DDX50: variants seen among roughly 807,000 people sequenced by gnomAD.
DDX50 encodes DExD-box helicase 50, also known as ATP-dependent RNA helicase DDX50.
DDX50 carries 56 observed loss-of-function variants against 94.8 expected under a neutral mutation model. The observed-to-expected ratio is 0.59, with a 90% CI of 0.48 to 0.74. The LOEUF is 0.74. Ranked by LOEUF, DDX50 falls within the 30% of genes least tolerant of loss-of-function variation. The pLI is 0.00. For synonymous variants in DDX50, 264 were observed against 295.4 expected (o/e 0.89, Z 1.09); for missense variants, 713 against 881.2 (o/e 0.81, Z 2.42).
Position 68,934,855 on chromosome 10 carries a change from G to T in DDX50, c.1458G>T (p.Gly486=). The T allele has an allele frequency of 6.2e-7, 1 of 1,613,394 alleles. No individual in the cohort carries two copies. The highest frequency in any genetic ancestry group is 8.5e-7 in the Non-Finnish European group (1 of 1,179,710). The change falls in exon 10 of 15, where the codon GGG becomes GGT. Residue 486 remains glycine (G), a synonymous_variant. Coordinates refer to ENST00000373585, the MANE Select transcript of DDX50 (RefSeq NM_024045.2). The surrounding 1 kb of genome is among the most constrained non-coding windows in gnomAD (Gnocchi z 4.0). ...GCACAGGTAGAGCTGGACGGACAGG[G>T]ATTTGTATATGTTTTTATCAACCAA... is the stretch of plus-strand genomic sequence containing the variant. ...SGRTGRAGRT[G]ICICFYQPRE... is the part of the protein sequence containing the mutation.
At chr10:68,942,594 T>C (rs2132065065) in intron 13 of DDX50, among the ~76,000 whole-genome samples, 1 of 152,002 alleles carries the variant, frequency 6.6e-6, no homozygotes, top group South Asian at 2.1e-4. Flanking sequence ...ATAATTCTTA[T>C]TATCTAACAA....
In DDX50 at chr10:68,941,091, A is replaced by G; in HGVS notation, c.1787A>G (p.Glu596Gly). Residue 596 changes from glutamate (E) to glycine (G), a missense_variant, in exon 13 of 15, where the codon GAG (glutamate) becomes GGG (glycine). By Grantham distance (98) the Glu-to-Gly change is moderately conservative. Around this residue, in one of 2 missense-constraint regions of DDX50, gnomAD observed 428 missense variants for 602.3 expected, o/e 0.71. Coordinates refer to ENST00000373585, the MANE Select transcript of DDX50 (RefSeq NM_024045.2). ...GFVTMTLESLEEIQDVSCAWK... is the reference protein window; with the variant it reads ...GFVTMTLESLGEIQDVSCAWK... ...GTGACCATGACTCTGGAAAGCCTAG[A>G]GGAAATACAGGATGTCAGCTGTGCT... 1 of 1,612,026 alleles carries G rather than the reference A, an allele frequency of 6.2e-7. No individual in the cohort carries two copies. Among genetic ancestry groups the G allele is most frequent in the Non-Finnish European group, 8.5e-7 (1 of 1,179,862 alleles).
At chr10:68,925,502 G>A (rs1290924009) in intron 8 of DDX50, among the ~76,000 whole-genome samples, 2 of 152,146 alleles carry the variant, frequency 1.3e-5, no homozygotes, top group Non-Finnish European at 2.9e-5. Context: ...CCTAGTTGAT[G>A]TGTGTTATGT....
intron 1 of DDX50, among the ~76,000 whole-genome samples, chr10:68,904,358 A>C (rs146409196): frequency 1.3e-5 from 2 of 152,118 alleles, no homozygotes; most frequent in Non-Finnish European, 2.9e-5. Flanking sequence ...AGGTGAGGAT[A>C]ACTTTGGTTC....
intron 8 of DDX50, among the ~76,000 whole-genome samples, chr10:68,932,175 T>C (rs1005419713): frequency 6.6e-6 from 1 of 152,248 alleles, no homozygotes; most frequent in African/African-American, 2.4e-5. Context: ...TCCAGGCAGA[T>C]AGCAAGTGCT....
intron 1 of DDX50, among the ~76,000 whole-genome samples, 183 bp downstream of exon 1, chr10:68,901,654 G>A (rs1168755471): frequency 6.6e-6 from 1 of 152,188 alleles, no homozygotes; most frequent in Non-Finnish European, 1.5e-5. Flanking sequence ...TCCCGACCTG[G>A]AGAAAGATGG....
intron 4 of DDX50, among the ~76,000 whole-genome samples, chr10:68,912,362 G>T (rs900417261): frequency 1.3e-5 from 2 of 152,022 alleles, no homozygotes; most frequent in Admixed American, 1.3e-4. Context: ...CTGCAGGCAG[G>T]TGCCACCACA....
rs1237469483 is a variant in DDX50 at position 68,943,249 on chromosome 10, A to G, written c.1927A>G (p.Arg643Gly). The change falls in exon 14 of 15, where the codon AGG (arginine) becomes GGG (glycine). Residue 643 changes from arginine to glycine, a missense_variant. Arg to Gly is a moderately radical substitution (Grantham distance 125). This residue lies in a region of DDX50 where 428 missense variants were observed against 602.3 expected (regional missense o/e 0.71). Transcript: ENST00000373585. ...CFDVPTTESERLQAEWHDSDW... is the reference protein window; with the variant it reads ...CFDVPTTESEGLQAEWHDSDW... Reference sequence around the variant, plus strand: ...TGATGTTCCTACAACTGAGTCAGAAAGGTTACAGGTATTTTTAAAATTTTA... The same window carrying G: ...TGATGTTCCTACAACTGAGTCAGAAGGGTTACAGGTATTTTTAAAATTTTA... The G allele has an allele frequency of 1.9e-6, 3 of 1,605,642 alleles. No individual in the cohort carries two copies. Among genetic ancestry groups the G allele is most frequent in the Non-Finnish European group, 2.5e-6 (3 of 1,177,722 alleles).
intron 4 of DDX50, 105 bp downstream of exon 4, chr10:68,911,351 G>A: frequency 8.0e-7 from 1 of 1,252,568 alleles, no homozygotes; most frequent in Non-Finnish European, 1.1e-6. Context: ...AAAAGTTAGC[G>A]CTGTGGCATA....
At chr10:68,904,037 G>A (rs1387397524) in intron 1 of DDX50, among the ~76,000 whole-genome samples, 2 of 151,358 alleles carry the variant, frequency 1.3e-5, no homozygotes, top group Admixed American at 6.6e-5. Context: ...CCAGCTACTC[G>A]GGATGCTAAG....
chr10:68,916,702 A>T (rs1276319265), intron 7 of DDX50, among the ~76,000 whole-genome samples: 1 of 152,028 alleles, frequency 6.6e-6, no homozygotes, highest in Non-Finnish European at 1.5e-5. Flanking sequence ...ATTTTTTTTG[A>T]GATGGAATTT....
chr10:68,937,690 A>G (rs532874524), intron 12 of DDX50, among the ~76,000 whole-genome samples: 1 of 151,560 alleles, frequency 6.6e-6, no homozygotes, highest in Non-Finnish European at 1.5e-5. Flanking sequence ...GGTTCAAGCA[A>G]TTCTCCTGTC....
At position 68,906,734 on chromosome 10, in the gene DDX50, C is replaced by T. The variant is rs143900029; in HGVS notation, c.111C>T (p.His37=). The T allele has an allele frequency of 6.2e-7, 1 of 1,611,244 alleles. No homozygotes were observed. The highest frequency in any genetic ancestry group is 1.7e-5 in the Admixed American group (1 of 59,042). The change falls in exon 2 of 15, where the codon CAC becomes CAT. Residue 37 remains histidine, a synonymous_variant. Coordinates refer to ENST00000373585, the MANE Select transcript of DDX50 (RefSeq NM_024045.2). ...AGAGTGACAGAAGGAAGTCAAGGCACCATTATGACTCGGATGAGAAATCAG... is the reference window on the plus strand; with the variant it reads ...AGAGTGACAGAAGGAAGTCAAGGCATCATTATGACTCGGATGAGAAATCAG... ...RQKSDRRKSR[H]HYDSDEKSET...
chr10:68,936,862 C>G, intron 11 of DDX50, 74 bp from the exon 12 acceptor site: 1 of 1,433,544 alleles, frequency 7.0e-7, no homozygotes. Context: ...ATTACTCCTT[C>G]TTTTTCCCAT....
rs1271475715 is a variant in DDX50 at position 68,913,245 on chromosome 10, G to C, written c.723G>C (p.Ala241=). 6.2e-7 allele frequency: 1 copy of C among 1,613,278 alleles called. No individual in the cohort carries two copies. Among genetic ancestry groups the C allele is most frequent in the Non-Finnish European group, 8.5e-7 (1 of 1,179,862 alleles). ...FKDITRKLSV[A]CFYGGTSYQS... ...ATATAACTAGGAAACTCAGCGTGGC[G>C]TGTTTTTATGGTGGAACATCATATC... The change falls in exon 5 of 15, where the codon GCG becomes GCC. Residue 241 remains alanine, a synonymous_variant. Coordinates refer to ENST00000373585, the MANE Select transcript of DDX50 (RefSeq NM_024045.2).
intron 1 of DDX50, among the ~76,000 whole-genome samples, chr10:68,905,928 A>G (rs944991424): frequency 3.9e-5 from 6 of 152,256 alleles, no homozygotes; most frequent in Non-Finnish European, 5.9e-5. Context: ...TAAATAAATA[A>G]TTAAATAAAA....
intron 8 of DDX50, among the ~76,000 whole-genome samples, chr10:68,928,550 T>TGCATTTC: frequency 1.3e-5 from 2 of 152,284 alleles, no homozygotes; most frequent in Middle Eastern, 6.8e-3. Flanking sequence ...TTTTGCGTAG[T>TGCATTTC]GCATTTCTTT....
chr10:68,902,678 G>T (rs530630683), intron 1 of DDX50, among the ~76,000 whole-genome samples: 3 of 152,248 alleles, frequency 2.0e-5, no homozygotes, highest in African/African-American at 7.2e-5. Context: ...CTGTGAATTT[G>T]ACTACTGAAG....
At chr10:68,945,730 A>C (rs1409815757) in intron 14 of DDX50, among the ~76,000 whole-genome samples, 1 of 152,146 alleles carries the variant, frequency 6.6e-6, no homozygotes, top group Non-Finnish European at 1.5e-5. Context: ...TCCAATATCA[A>C]AGTGTTTCCA....
Sources: gnomAD v4.1 joint callset for allele counts (sites outside exome capture counted in the v4.1 genomes callset) on GRCh38, gnomAD v4.1.1 for gene constraint, gnomAD v4.1.1 regional missense constraint, Gnocchi (gnomAD v3.1) non-coding constraint, MANE v1.5 for transcripts, NCBI Gene and HGNC (gene_info 2026-07-23, HGNC 2026-07-21) for gene names.